HMGB1: variants seen among roughly 807,000 people sequenced by gnomAD.
The protein encoded by HMGB1 is high mobility group protein B1.
For synonymous variants in HMGB1, 81 were observed against 84.0 expected (o/e 0.96, Z 0.19); for missense variants, 79 against 253.5 (o/e 0.31, Z 4.67).
At position 30,460,695 on chromosome 13, in the gene HMGB1, TCA is replaced by T. The variant is rs1565992616; in HGVS notation, c.*660_*661del. 3 of 152,570 alleles carry T rather than the reference TCA, an allele frequency of 2.0e-5. No homozygotes were observed. The highest frequency in any genetic ancestry group is 7.2e-5 in the African/African-American group (3 of 41,462). 9.5% of individuals were successfully genotyped at this position (152,570 alleles called of 1,614,324 possible). A position where few individuals can be genotyped will look rare whatever the true frequency, so the allele number is the denominator to read the frequency against. Reference sequence around the variant, plus strand: ...CTTAACTGATCAAGATTTTGGATGTTCAGTTATGGATGAAAACTATCTCAACT... The same window carrying T: ...CTTAACTGATCAAGATTTTGGATGTTGTTATGGATGAAAACTATCTCAACT... On this transcript the variant is annotated 3_prime_UTR_variant, in exon 5 of 5. Transcript: ENST00000341423.
chr13:30,459,626 T>C lies in HMGB1; in HGVS notation c.*1731A>G, dbSNP rs542692297. On this transcript the variant is annotated 3_prime_UTR_variant, in exon 5 of 5. Coordinates refer to ENST00000341423, the MANE Select transcript of HMGB1 (RefSeq NM_002128.7). ...TAAATCATTCTGAAAGTAAAACTAG[T>C]TTTTCCTCCTTTATATATAGCACCG... 3 of 152,300 alleles carry C rather than the reference T, an allele frequency of 2.0e-5. No homozygotes were observed. Among genetic ancestry groups the C allele is most frequent in the South Asian group, 2.1e-4 (1 of 4,828 alleles). 9.4% of individuals were successfully genotyped at this position (152,300 alleles called of 1,614,324 possible). A position where few individuals can be genotyped will look rare whatever the true frequency, so the allele number is the denominator to read the frequency against.
At chr13:30,556,786 T>C (rs1869711050) in intron 1 of HMGB1, among the ~76,000 whole-genome samples, 1 of 152,228 alleles carries the variant, frequency 6.6e-6, no homozygotes. Context: ...TGTTAAAAGA[T>C]ACAAAATTAT....
At chr13:30,550,095 A>C (rs1202912178) in intron 1 of HMGB1, among the ~76,000 whole-genome samples, 3 of 152,198 alleles carry the variant, frequency 2.0e-5, no homozygotes, top group African/African-American at 7.2e-5. Context: ...AGACTCTGGA[A>C]TATGTGTATG....
At chr13:30,584,394 A>G (rs1052325414) in intron 1 of HMGB1, among the ~76,000 whole-genome samples, 2 of 152,192 alleles carry the variant, frequency 1.3e-5, no homozygotes, top group Admixed American at 1.3e-4. Context: ...TATTTATCCC[A>G]GTCATTCTCT....
At chr13:30,464,472 G>GC (rs1286103296) in intron 1 of HMGB1, 10 of 984,736 alleles carry the variant, frequency 1.0e-5, no homozygotes, top group South Asian at 4.7e-5. Context: ...CGCGGGGCGA[G>GC]CCCCCCGCCC....
intron 1 of HMGB1, among the ~76,000 whole-genome samples, chr13:30,536,464 T>C (rs1378931919): frequency 6.6e-6 from 1 of 152,146 alleles, no homozygotes; most frequent in Non-Finnish European, 1.5e-5. Flanking sequence ...ATTCTCCTGC[T>C]TCAGCCTTGA....
intron 1 of HMGB1, among the ~76,000 whole-genome samples, chr13:30,549,365 T>C (rs1219973170): frequency 6.6e-6 from 1 of 152,152 alleles, no homozygotes. Flanking sequence ...AACTTAGTAA[T>C]AAACTCTATC....
At chr13:30,531,154 G>A (rs955434644) in intron 1 of HMGB1, among the ~76,000 whole-genome samples, 2 of 152,198 alleles carry the variant, frequency 1.3e-5, no homozygotes, top group Non-Finnish European at 2.9e-5. Context: ...GAAAGGCATG[G>A]TGAAATTGAT....
chr13:30,486,292 A>G (rs757487823), intron 1 of HMGB1, among the ~76,000 whole-genome samples: 4 of 152,210 alleles, frequency 2.6e-5, no homozygotes, highest in Admixed American at 2.6e-4. Flanking sequence ...ATGGTCCCAC[A>G]TGGGCAGTGC....
At chr13:30,562,149 C>A (rs941022963) in intron 1 of HMGB1, among the ~76,000 whole-genome samples, 2 of 151,838 alleles carry the variant, frequency 1.3e-5, no homozygotes, top group Non-Finnish European at 2.9e-5. Context: ...TGGCAAAATC[C>A]CACCTCTACT....
At chr13:30,471,314 C>T (rs944014593) in intron 1 of HMGB1, among the ~76,000 whole-genome samples, 2 of 152,008 alleles carry the variant, frequency 1.3e-5, no homozygotes, top group African/African-American at 4.8e-5. Flanking sequence ...CCATGTTCAA[C>T]CAAACCAATG....
chr13:30,529,444 T>C (rs924099275), intron 1 of HMGB1, among the ~76,000 whole-genome samples: 2 of 152,214 alleles, frequency 1.3e-5, no homozygotes, highest in Non-Finnish European at 2.9e-5. Context: ...ATCTGAACAT[T>C]CTTCCTACAT....
chr13:30,505,131 A>G (rs1376039532), intron 1 of HMGB1, among the ~76,000 whole-genome samples: 1 of 113,854 alleles, frequency 8.8e-6, no homozygotes, highest in Non-Finnish European at 1.8e-5. Flanking sequence ...CACCATGCCC[A>G]GCTAATTTAT....
Position 30,458,123 on chromosome 13 carries a change from G to C in HMGB1, c.*3234C>G, listed in dbSNP as rs967723115. 3.3e-5 allele frequency: 5 copies of C among 152,084 alleles called. No individual in the cohort carries two copies. Among genetic ancestry groups the C allele is most frequent in the Non-Finnish European group, 7.3e-5 (5 of 68,034 alleles). 9.4% of individuals were successfully genotyped at this position (152,084 alleles called of 1,614,324 possible). A position where few individuals can be genotyped will look rare whatever the true frequency, so the allele number is the denominator to read the frequency against. ...ATTTGCAGATACCTTACCATCACATGCAAGTGTCTTACTGCTACTGAAAGC... is the reference window on the plus strand; with the variant it reads ...ATTTGCAGATACCTTACCATCACATCCAAGTGTCTTACTGCTACTGAAAGC... On this transcript the variant is annotated 3_prime_UTR_variant, in exon 5 of 5. Transcript: ENST00000341423.
chr13:30,605,851 G>A (rs780324734), intron 1 of HMGB1, among the ~76,000 whole-genome samples: 6 of 152,146 alleles, frequency 3.9e-5, no homozygotes, highest in Non-Finnish European at 8.8e-5. Context: ...AATGCCATAT[G>A]TTTTCCCTGT....
At chr13:30,487,857 A>G (rs1191330668) in intron 1 of HMGB1, among the ~76,000 whole-genome samples, 1 of 152,214 alleles carries the variant, frequency 6.6e-6, no homozygotes, top group African/African-American at 2.4e-5. Flanking sequence ...ACCCACTTGA[A>G]AATCACGGGT....
At chr13:30,471,151 T>C (rs1466916486) in intron 1 of HMGB1, among the ~76,000 whole-genome samples, 1 of 151,720 alleles carries the variant, frequency 6.6e-6, no homozygotes, top group African/African-American at 2.4e-5. Context: ...TTTGTATTTT[T>C]AGTAGAGACA....
chr13:30,474,959 G>GTTTTTTTTTTGTTTTTT (rs1887043028), intron 1 of HMGB1, among the ~76,000 whole-genome samples: 1 of 64,032 alleles, frequency 1.6e-5, no homozygotes, highest in African/African-American at 7.2e-5. Flanking sequence ...TTCTTTTTTT[G>GTTTTTTTTTTGTTTTTT]TTTTTTTTTT....
chr13:30,592,567 G>A (rs2137554609), intron 1 of HMGB1, among the ~76,000 whole-genome samples: 1 of 152,178 alleles, frequency 6.6e-6, no homozygotes, highest in Middle Eastern at 3.4e-3. Flanking sequence ...AGTATTTTGG[G>A]CACCCCAAGT....
Sources: gnomAD v4.1 joint callset for allele counts (sites outside exome capture counted in the v4.1 genomes callset) on GRCh38, gnomAD v4.1.1 for gene constraint, MANE v1.5 for transcripts, NCBI Gene and HGNC (gene_info 2026-07-23, HGNC 2026-07-21) for gene names.